GNPTG: variants seen among roughly 807,000 people sequenced by gnomAD.
GNPTG encodes the protein N-acetylglucosamine-1-phosphotransferase subunit gamma.
Under a neutral mutation model 43.8 loss-of-function variants are expected in GNPTG, and 46 were observed. That is an observed-to-expected ratio of 1.05 (90% CI 0.83 to 1.34). The LOEUF (loss-of-function observed/expected upper bound fraction) is 1.34, where lower values mean the gene tolerates loss of function less well. Among genes scored for constraint, GNPTG ranks in the 40% most tolerant of loss-of-function variants. GNPTG has a pLI of 0.00. For synonymous variants in GNPTG, 250 were observed against 172.8 expected, an observed-to-expected ratio of 1.45 and a Z score of -3.50; for missense variants, 549 against 411.3, an observed-to-expected ratio of 1.33 and a Z score of -2.90.
intron 3 of GNPTG, among the ~76,000 whole-genome samples, chr16:1,360,343 G>A (rs899711669): frequency 1.3e-5 from 2 of 152,102 alleles, no homozygotes; most frequent in Non-Finnish European, 2.9e-5. Flanking sequence ...TAGTCTTTCA[G>A]GCCGGGCATA....
chr16:1,352,691 G>A (rs1001218165), intron 3 of GNPTG, among the ~76,000 whole-genome samples: 2 of 151,996 alleles, frequency 1.3e-5, no homozygotes, highest in African/African-American at 4.8e-5. Context: ...GTATCTCTCG[G>A]GACGCTTCAT....
chr16:1,354,585 C>CAAAAAAAA lies in GNPTG; in HGVS notation c.178+2296_178+2303dup, dbSNP rs869067502. On this transcript the variant is annotated intron_variant, in intron 3 of 10. Coordinates refer to ENST00000204679, the MANE Select transcript of GNPTG (RefSeq NM_032520.5). ...TGGGTGACAGAGCAAGACTTCGTCT[C>CAAAAAAAA]AAAAAAAAAAAAAAAAAAAAAAAAC... Among the ~76,000 whole-genome samples, 20 of 44,368 alleles carry CAAAAAAAA rather than the reference C, an allele frequency of 4.5e-4. 1 individual carries two copies. The South Asian group carries it at 6.3e-3, about 14-fold the overall frequency. The allele number at this position is 44,368 out of a possible 152,430, so 29.1% of individuals were successfully genotyped here. A position where few individuals can be genotyped will look rare whatever the true frequency, so the allele number is the denominator to read the frequency against.
chr16:1,362,760 G>C lies in GNPTG; in HGVS notation c.741+18G>C. 5 of 1,614,106 alleles carry C rather than the reference G, an allele frequency of 3.1e-6. No individual in the cohort carries two copies. Among genetic ancestry groups the C allele is most frequent in the Non-Finnish European group, 4.2e-6 (5 of 1,180,036 alleles). ...GCAGGAAGGTACCGTATTGGGGGGA[G>C]GTGGTGGCACGCAGTAGCCCTCCAG... On this transcript the variant is annotated intron_variant, in intron 9 of 10. Transcript: ENST00000204679.
chr16:1,354,554 C>G (rs575579488), intron 3 of GNPTG, among the ~76,000 whole-genome samples: 18 of 128,788 alleles, frequency 1.4e-4, no homozygotes, highest in Middle Eastern at 5.3e-3. Context: ...CCCCTGCACT[C>G]CAGCCTGGGT....
At chr16:1,362,001 C>T (rs772946278) in intron 5 of GNPTG, 37 bp from the exon 6 acceptor site, 1 of 1,612,992 alleles carries the variant, frequency 6.2e-7, no homozygotes, top group Non-Finnish European at 8.5e-7. Flanking sequence ...GCGCAGCTCC[C>T]CACCCGGCCT....
At position 1,362,819 on chromosome 16, in the gene GNPTG, T is replaced by C. The variant is rs1244418158; in HGVS notation, c.742-6T>C. On this transcript the variant is annotated splice_polypyrimidine_tract_variant and splice_region_variant and intron_variant, in intron 9 of 10. Transcript: ENST00000204679. ...CTTTCCCTTGAACTCTTTTTGTGGT[T>C]GGTAGGCTCATAAAGAACTCTCAAA... The C allele has an allele frequency of 6.2e-7, 1 of 1,613,838 alleles. No individual in the cohort carries two copies. Among genetic ancestry groups the C allele is most frequent in the Non-Finnish European group, 8.5e-7 (1 of 1,179,998 alleles).
chr16:1,362,141 C>T lies in GNPTG; in HGVS notation c.411+10C>T. 1 of 1,612,566 alleles carries T rather than the reference C, an allele frequency of 6.2e-7. No individual in the cohort carries two copies. The highest frequency in any genetic ancestry group is 8.5e-7 in the Non-Finnish European group (1 of 1,179,536). On this transcript the variant is annotated intron_variant, in intron 6 of 10. Coordinates refer to ENST00000204679, the MANE Select transcript of GNPTG (RefSeq NM_032520.5). Reference sequence around the variant, plus strand: ...GAGCCGGCAGAGCAAGGTGGGGCCTCAGACGGGAGCCCGGGAAGAGGGGCC... The same window carrying T: ...GAGCCGGCAGAGCAAGGTGGGGCCTTAGACGGGAGCCCGGGAAGAGGGGCC...
chr16:1,361,619 G>A, intron 3 of GNPTG, 124 bp from the exon 4 acceptor site: 1 of 956,816 alleles, frequency 1.0e-6, no homozygotes, highest in Non-Finnish European at 1.6e-6. Flanking sequence ...ACTCCAGCCT[G>A]GGTGACAGAG....
Position 1,362,704 on chromosome 16 carries a change from G to C in GNPTG, c.703G>C (p.Asp235His), listed in dbSNP as rs774413019. ...ACCCACCCAGCTGGAGGGAGGTCCT[G>C]ACAGCTTGGGGTTTGAGACCCTGGA... ...NEPTQLEGGP[D>H]SLGFETLENC... Residue 235 changes from aspartate to histidine, a missense_variant, in exon 9 of 11, where the codon GAC becomes CAC. Physicochemically the swap from Asp to His is moderately conservative, Grantham distance 81. Coordinates refer to ENST00000204679, the MANE Select transcript of GNPTG (RefSeq NM_032520.5). 7 of 1,613,966 alleles carry C rather than the reference G, an allele frequency of 4.3e-6. No individual in the cohort carries two copies. The highest frequency in any genetic ancestry group is 5.9e-6 in the Non-Finnish European group (7 of 1,180,034).
chr16:1,359,902 G>C (rs555349607), intron 3 of GNPTG, among the ~76,000 whole-genome samples: 1 of 151,888 alleles, frequency 6.6e-6, no homozygotes, highest in Non-Finnish European at 1.5e-5. Flanking sequence ...CTGAGGTCAG[G>C]AGTTTGAGAC....
At chr16:1,362,153 C>G in intron 6 of GNPTG, 22 bp downstream of exon 6, 2 of 1,612,582 alleles carry the variant, frequency 1.2e-6, no homozygotes, top group African/African-American at 1.3e-5. Context: ...GACGGGAGCC[C>G]GGGAAGAGGG....
chr16:1,356,570 T>C (rs943506176), intron 3 of GNPTG, among the ~76,000 whole-genome samples: 6 of 152,144 alleles, frequency 3.9e-5, no homozygotes, highest in South Asian at 2.1e-4. Flanking sequence ...GCACTGCCAG[T>C]TGGGGGCTTG....
At chr16:1,354,262 C>T (rs1487706796) in intron 3 of GNPTG, among the ~76,000 whole-genome samples, 1 of 152,008 alleles carries the variant, frequency 6.6e-6, no homozygotes, top group African/African-American at 2.4e-5. Flanking sequence ...AATGGGACCA[C>T]GTCTTTTTGG....
intron 3 of GNPTG, among the ~76,000 whole-genome samples, chr16:1,360,233 C>T (rs991531335): frequency 1.3e-5 from 2 of 152,188 alleles, no homozygotes; most frequent in Non-Finnish European, 2.9e-5. Flanking sequence ...ATCTTTGTCT[C>T]TTAAAATAGT....
chr16:1,352,057 C>T, intron 1 of GNPTG, 40 bp downstream of exon 1: 1 of 1,524,490 alleles, frequency 6.6e-7, no homozygotes, highest in Non-Finnish European at 8.8e-7. Context: ...GCCCCGCGCG[C>T]GCTCTGCACC....
At position 1,362,320 on chromosome 16, in the gene GNPTG, G is replaced by GGTA; in HGVS notation, c.526+2_526+4dup. ...CGTCTGCCACCCCCACGCCTTGCTA[G>GGTA]GTAGGGGTGCGGGACGCAGTTGAGC... On this transcript the variant is annotated protein_altering_variant and splice_region_variant. Transcript: ENST00000204679. 6.2e-7 allele frequency: 1 copy of GGTA among 1,612,682 alleles called. No homozygotes were observed. Among genetic ancestry groups the GGTA allele is most frequent in the East Asian group, 2.2e-5 (1 of 44,882 alleles).
At position 1,362,916 on chromosome 16, in the gene GNPTG, CT is replaced by C; in HGVS notation, c.823+11del. The C allele has an allele frequency of 6.2e-7, 1 of 1,614,022 alleles. No individual in the cohort carries two copies. Among genetic ancestry groups the C allele is most frequent in the African/African-American group, 1.3e-5 (1 of 75,036 alleles). The stretch of plus-strand genomic sequence containing the variant: ...TACACGAGGCCCACAGGTGAGTCAC[CT>C]GTGGGGAGAGGGCCAGGCTCACCAT... On this transcript the variant is annotated intron_variant, in intron 10 of 10. Coordinates refer to ENST00000204679, the MANE Select transcript of GNPTG (RefSeq NM_032520.5).
chr16:1,361,633 G>A, intron 3 of GNPTG, 110 bp from the exon 4 acceptor site: 1 of 1,098,988 alleles, frequency 9.1e-7, no homozygotes, highest in Non-Finnish European at 1.3e-6. Flanking sequence ...GACAGAGTGA[G>A]ACTCCATCTC....
rs201844106 is a variant in GNPTG, at chr16:1,362,652, C to G, written c.651C>G (p.Gly217=). 6.2e-7 allele frequency: 1 copy of G among 1,614,132 alleles called. No homozygotes were observed. The highest frequency in any genetic ancestry group is 1.1e-5 in the South Asian group (1 of 91,086). Residue 217 remains glycine (G), a synonymous_variant, in exon 9 of 11, where the codon GGC becomes GGG. Transcript: ENST00000204679. ...TGAGGACACTTTTTGAGGATGCTGGCTACTTAAAGACCCCAGAAGAAAATG... is the reference window on the plus strand; with the variant it reads ...TGAGGACACTTTTTGAGGATGCTGGGTACTTAAAGACCCCAGAAGAAAATG... The part of the protein sequence containing the change: ...KLLRTLFEDA[G]YLKTPEENEP...
Sources: gnomAD v4.1 joint callset for allele counts (sites outside exome capture counted in the v4.1 genomes callset) on GRCh38, gnomAD v4.1.1 for gene constraint, MANE v1.5 for transcripts, NCBI Gene and HGNC (gene_info 2026-07-23, HGNC 2026-07-21) for gene names.